TRMT10A: variants seen among roughly 807,000 people sequenced by gnomAD.
TRMT10A encodes the protein tRNA methyltransferase 10A, also known as tRNA methyltransferase 10 homolog A.
In TRMT10A, 37 loss-of-function variants were observed where a neutral mutation model predicts 40.4. That is an observed-to-expected ratio of 0.92 (90% CI 0.71 to 1.21). The LOEUF (loss-of-function observed/expected upper bound fraction) is 1.21, where lower values mean the gene tolerates loss of function less well. Among genes scored for constraint, TRMT10A ranks in the 50% most tolerant of loss-of-function variants. The pLI is 0.00. For missense variants in TRMT10A, 388 were observed against 404.3 expected, an observed-to-expected ratio of 0.96 and a Z score of 0.35; for synonymous variants, 103 against 134.1, an observed-to-expected ratio of 0.77 and a Z score of 1.60.
At chr4:99,551,140 T>C (rs1328443472) in intron 6 of TRMT10A, 150 bp from the exon 7 acceptor site, 2 of 587,014 alleles carry the variant, frequency 3.4e-6, no homozygotes, top group Non-Finnish European at 5.7e-6. Context: ...TGTGTTTTAC[T>C]GCTCATTTGG....
At position 99,549,213 on chromosome 4, in the gene TRMT10A, C is replaced by T; in HGVS notation, c.895G>A (p.Glu299Lys). 6.2e-7 allele frequency: 1 copy of T among 1,614,124 alleles called. No homozygotes were observed. Among genetic ancestry groups the T allele is most frequent in the Non-Finnish European group, 8.5e-7 (1 of 1,180,004 alleles). The change falls in exon 8 of 8, where the codon GAA (glutamate) becomes AAA (lysine). Residue 299 changes from glutamate to lysine, a missense_variant. Coordinates refer to ENST00000394876, the MANE Select transcript of TRMT10A (RefSeq NM_001134665.3). ...SHDNQSVRME[E>K]GGSDSDSSEE... is the part of the protein sequence containing the mutation. ...CTGGAATCACTGTCCGATCCACCTT[C>T]CTCCATCCTGACAGACTGATTGTCA...
chr4:99,562,237 TC>T (rs1724441556), intron 1 of TRMT10A, among the ~76,000 whole-genome samples: 1 of 133,106 alleles, frequency 7.5e-6, no homozygotes, highest in African/African-American at 2.8e-5. Context: ...GAAATTTTAC[TC>T]CTGCATAAAA....
chr4:99,548,917 C>T lies in TRMT10A; in HGVS notation c.*171G>A. On this transcript the variant is annotated 3_prime_UTR_variant, in exon 8 of 8. Transcript: ENST00000394876. ...CTTACGCAAAATCAAAAAATATTTCCTTACAAAGTTTAAAGGGCTTTTTTT... is the reference window on the plus strand; with the variant it reads ...CTTACGCAAAATCAAAAAATATTTCTTTACAAAGTTTAAAGGGCTTTTTTT... 1.6e-6 allele frequency: 1 copy of T among 608,614 alleles called. No homozygotes were observed. 37.7% of individuals were successfully genotyped at this position (608,614 alleles called of 1,614,324 possible).
At position 99,558,186 on chromosome 4, in the gene TRMT10A, T is replaced by G. The variant is rs529984330; in HGVS notation, c.211A>C (p.Arg71=). Residue 71 remains arginine (R), a synonymous_variant, in exon 3 of 8, where the codon AGG becomes CGG. Coordinates refer to ENST00000394876, the MANE Select transcript of TRMT10A (RefSeq NM_001134665.3). ...TGACATTGTCGCTCTAATTTTTTCC[T>G]CTTGCGTTTTTCTTTTCGCTTTTGT... is the stretch of plus-strand genomic sequence containing the variant. ...RKQKRKEKRK[R]KKLERQCQME... 2 of 1,598,210 alleles carry G rather than the reference T, an allele frequency of 1.3e-6. No homozygotes were observed. Among genetic ancestry groups the G allele is most frequent in the South Asian group, 2.3e-5 (2 of 87,096 alleles).
intron 1 of TRMT10A, chr4:99,563,597 C>G (rs145004640): frequency 3.7e-6 from 1 of 273,208 alleles, no homozygotes; most frequent in Admixed American, 4.9e-5. Context: ...CCAAAACACA[C>G]GCCGACGGAA....
chr4:99,550,924 CA>C lies in TRMT10A; in HGVS notation c.711del (p.Phe237LeufsTer2). 6.2e-7 allele frequency: 1 copy of C among 1,613,298 alleles called. No individual in the cohort carries two copies. Among genetic ancestry groups the C allele is most frequent in the Non-Finnish European group, 8.5e-7 (1 of 1,179,614 alleles). On this transcript the variant is annotated frameshift_variant, in exon 7 of 8. Transcript: ENST00000394876. LOFTEE classifies it high-confidence loss of function. ...INHAQLPLGN[F>X]VKMNSRKVLA... ...AAAACTTTTCGACTATTCATCTTCA[CA>C]AAATTTCCAAGTGGGAGCTGTGCAT...
intron 5 of TRMT10A, among the ~76,000 whole-genome samples, chr4:99,555,799 C>T (rs1258000664): frequency 6.6e-6 from 1 of 152,092 alleles, no homozygotes; most frequent in Non-Finnish European, 1.5e-5. Flanking sequence ...AGAATGCAGG[C>T]ACACTTCCAA....
chr4:99,555,941 A>C (rs1453034929), intron 5 of TRMT10A, among the ~76,000 whole-genome samples: 2 of 152,216 alleles, frequency 1.3e-5, no homozygotes, highest in Non-Finnish European at 2.9e-5. Context: ...AAAATAGGGA[A>C]GATTTAATGA....
In TRMT10A at chr4:99,547,223, G is replaced by A. The variant is rs1408576598; in HGVS notation, c.*1865C>T. 1 of 152,110 alleles carries A rather than the reference G, an allele frequency of 6.6e-6. No homozygotes were observed. The highest frequency in any genetic ancestry group is 2.4e-5 in the African/African-American group (1 of 41,420). The allele number at this position is 152,110 out of a possible 1,614,324, so 9.4% of individuals were successfully genotyped here. On this transcript the variant is annotated 3_prime_UTR_variant, in exon 8 of 8. Transcript: ENST00000394876. The stretch of plus-strand genomic sequence containing the variant: ...TGGAGTCAAGCCACTATAGGCTAAG[G>A]AACAGCAGGGATTGCTGGCAACCAC...
chr4:99,562,160 G>A (rs1360579440), intron 1 of TRMT10A, among the ~76,000 whole-genome samples: 4 of 143,720 alleles, frequency 2.8e-5, no homozygotes, highest in African/African-American at 1.0e-4. Context: ...AACAGAGTAA[G>A]ACTCCGTCTC....
At chr4:99,562,201 A>ATG (rs60133760) in intron 1 of TRMT10A, among the ~76,000 whole-genome samples, 3,764 of 136,140 alleles carry the variant, frequency 0.028, 77 homozygotes, top group Admixed American at 0.044. Context: ...ATATATATAT[A>ATG]TGTGTGTGTG....
chr4:99,558,065 T>TGATC lies in TRMT10A; in HGVS notation c.328_331dup (p.His111ArgfsTer10), dbSNP rs1724235968. 6.3e-7 allele frequency: 1 copy of TGATC among 1,593,030 alleles called. No individual in the cohort carries two copies. Among genetic ancestry groups the TGATC allele is most frequent in the Non-Finnish European group, 8.5e-7 (1 of 1,173,886 alleles). ...TCATGATACCTTTAATACCATCAAG[T>TGATC]GATCAAAACTACAGTCAATAATAAG... On this transcript the variant is annotated frameshift_variant, in exon 3 of 8. Coordinates refer to ENST00000394876, the MANE Select transcript of TRMT10A (RefSeq NM_001134665.3). LOFTEE classifies it high-confidence loss of function.
At position 99,548,506 on chromosome 4, in the gene TRMT10A, T is replaced by C. The variant is rs1723822830; in HGVS notation, c.*582A>G. On this transcript the variant is annotated 3_prime_UTR_variant, in exon 8 of 8. Coordinates refer to ENST00000394876, the MANE Select transcript of TRMT10A (RefSeq NM_001134665.3). ...ATTACTTCAGAACCATAAAAAGGCATCATAAAGAAGGAACAGATATGCGCT... is the reference window on the plus strand; with the variant it reads ...ATTACTTCAGAACCATAAAAAGGCACCATAAAGAAGGAACAGATATGCGCT... The C allele has an allele frequency of 6.6e-6, 1 of 152,144 alleles. No individual in the cohort carries two copies. The highest frequency in any genetic ancestry group is 6.6e-5 in the Admixed American group (1 of 15,266). The allele number at this position is 152,144 out of a possible 1,614,324, so 9.4% of individuals were successfully genotyped here. A position where few individuals can be genotyped will look rare whatever the true frequency, so the allele number is the denominator to read the frequency against.
At position 99,558,086 on chromosome 4, in the gene TRMT10A, A is replaced by G. The variant is rs1724237193; in HGVS notation, c.311T>C (p.Ile104Thr). The G allele has an allele frequency of 1.2e-6, 2 of 1,608,218 alleles. No homozygotes were observed. The highest frequency in any genetic ancestry group is 8.5e-7 in the Non-Finnish European group (1 of 1,178,206). Residue 104 changes from isoleucine (I) to threonine (T), a missense_variant, in exon 3 of 8, where the codon ATT becomes ACT. Transcript: ENST00000394876. Reference protein sequence around the residue: ...RDVVHSTLRLIIDCSFDHLMV... With the variant: ...RDVVHSTLRLTIDCSFDHLMV... ...CAAGTGATCAAAACTACAGTCAATA[A>G]TAAGGCGAAGGGTGCTATGAACAAC...
chr4:99,560,224 G>A (rs976280666), intron 1 of TRMT10A, among the ~76,000 whole-genome samples: 11 of 152,226 alleles, frequency 7.2e-5, no homozygotes, highest in Middle Eastern at 6.8e-3. Context: ...AAATATTTCA[G>A]AGAGGTCATA....
chr4:99,553,575 C>T lies in TRMT10A; in HGVS notation c.645+210G>A, dbSNP rs114391622. ...TGCCATGAATTCCTTACTTGTGGAA[C>T]GTAAATAATAATAGCACTAATCTCA... is the stretch of plus-strand genomic sequence containing the variant. On this transcript the variant is annotated intron_variant, in intron 6 of 7. Transcript: ENST00000394876. 8.9e-3 allele frequency among the ~76,000 whole-genome samples: 1,360 copies of T among 152,144 alleles called. 8 individuals carry two copies. The highest frequency in any genetic ancestry group is 0.012 in the Non-Finnish European group (819 of 67,986).
intron 7 of TRMT10A, among the ~76,000 whole-genome samples, chr4:99,550,391 C>T (rs963528727): frequency 3.9e-5 from 6 of 152,054 alleles, no homozygotes; most frequent in African/African-American, 1.2e-4. Context: ...AGTTTCACCA[C>T]GTAGCCCAGG....
At chr4:99,556,094 T>C in intron 5 of TRMT10A, 52 bp downstream of exon 5, 7 of 1,550,670 alleles carry the variant, frequency 4.5e-6, no homozygotes, top group Non-Finnish European at 5.3e-6. Context: ...TGTAGACCTT[T>C]AGAAACATAA....
chr4:99,562,920 C>G (rs1724498441), intron 1 of TRMT10A, among the ~76,000 whole-genome samples: 3 of 152,054 alleles, frequency 2.0e-5, no homozygotes, highest in African/African-American at 7.3e-5. Context: ...CTTCTGGGTT[C>G]AAGTAGTTCT....
Sources: gnomAD v4.1 joint callset for allele counts (sites outside exome capture counted in the v4.1 genomes callset) on GRCh38, gnomAD v4.1.1 for gene constraint, MANE v1.5 for transcripts, NCBI Gene and HGNC (gene_info 2026-07-23, HGNC 2026-07-21) for gene names.